TMLHE: variants seen among roughly 807,000 people sequenced by gnomAD.
TMLHE encodes trimethyllysine dioxygenase, mitochondrial.
TMLHE carries 18 observed loss-of-function variants against 25.7 expected under a neutral mutation model. The observed-to-expected ratio is 0.70, with a 90% CI of 0.48 to 1.04. TMLHE has a LOEUF of 1.04. Ranked by LOEUF, TMLHE falls within the 50% of genes least tolerant of loss-of-function variation. The pLI is 0.00. For missense variants in TMLHE, 236 were observed against 259.0 expected (o/e 0.91, Z 0.61); for synonymous variants, 105 against 97.0 (o/e 1.08, Z -0.49).
intron 2 of TMLHE, among the ~76,000 whole-genome samples, chrX:155,535,548 C>A (rs782663625): frequency 8.0e-5 from 9 of 112,283 alleles, no homozygotes; most frequent in African/African-American, 2.9e-4. Context: ...GGGAGTTAGG[C>A]TTCAACATAT....
intron 1 of TMLHE, among the ~76,000 whole-genome samples, chrX:155,559,197 T>C (rs2067478242): frequency 9.0e-6 from 1 of 111,486 alleles, no homozygotes; most frequent in Admixed American, 9.6e-5. Context: ...ACATGTACTT[T>C]TTCTTTCTGA....
chrX:155,578,780 C>T (rs1557344147), intron 1 of TMLHE, among the ~76,000 whole-genome samples: 2 of 111,038 alleles, frequency 1.8e-5, no homozygotes, highest in East Asian at 5.6e-4. Context: ...GGTTCAAGGA[C>T]AGGCAAGCTC....
chrX:155,609,364 C>T (rs1557348131), intron 1 of TMLHE, among the ~76,000 whole-genome samples: 1 of 110,715 alleles, frequency 9.0e-6, no homozygotes, highest in African/African-American at 3.3e-5. Flanking sequence ...AAGAAGGGGA[C>T]AATAGACACG....
intron 1 of TMLHE, among the ~76,000 whole-genome samples, chrX:155,584,443 T>G (rs985520444): frequency 3.8e-4 from 42 of 111,463 alleles, no homozygotes; most frequent in Non-Finnish European, 3.8e-5. Context: ...GGAATCCTAT[T>G]TAATGAAATA....
At position 155,524,577 on chromosome X, in the gene TMLHE, G is replaced by C; in HGVS notation, c.237C>G (p.His79Gln). The C allele has an allele frequency of 8.3e-7, 1 of 1,206,741 alleles. No homozygotes were observed. The highest frequency in any genetic ancestry group is 1.1e-6 in the Non-Finnish European group (1 of 892,932). The change falls in exon 3 of 8, where the codon CAC (histidine) becomes CAG (glutamine). Residue 79 changes from histidine (H) to glutamine (Q), a missense_variant. Coordinates refer to ENST00000334398, the MANE Select transcript of TMLHE (RefSeq NM_018196.4). ...MRFDYVWLRD[H>Q]CRSASCYNSK... ...AGTTGTAGCACGATGCTGAGCGGCA[G>C]TGGTCTCGAAGCCAGACGTAATCAA...
intron 1 of TMLHE, among the ~76,000 whole-genome samples, chrX:155,598,667 C>T (rs1469390986): frequency 5.5e-5 from 6 of 109,466 alleles, no homozygotes; most frequent in Admixed American, 9.7e-5. Flanking sequence ...CAAACCTGCA[C>T]GCTGTGCACA....
At chrX:155,532,283 G>A in intron 2 of TMLHE, among the ~76,000 whole-genome samples, 1 of 112,093 alleles carries the variant, frequency 8.9e-6, no homozygotes, top group Non-Finnish European at 1.9e-5. Context: ...GAATATTACA[G>A]AAAATCCTAT....
chrX:155,557,188 C>A (rs923643308), intron 1 of TMLHE, among the ~76,000 whole-genome samples: 1 of 112,020 alleles, frequency 8.9e-6, no homozygotes, highest in African/African-American at 3.2e-5. Context: ...AAAGACAGGC[C>A]TAGGAAATCA....
At chrX:155,552,142 AGTTT>A (rs2067420113) in intron 1 of TMLHE, among the ~76,000 whole-genome samples, 1 of 110,049 alleles carries the variant, frequency 9.1e-6, no homozygotes, top group South Asian at 3.7e-4. Flanking sequence ...ATTTTCTAAT[AGTTT>A]GTTCGAAATT....
chrX:155,581,312 A>G (rs1281233450), intron 1 of TMLHE, among the ~76,000 whole-genome samples: 1 of 111,779 alleles, frequency 8.9e-6, no homozygotes, highest in African/African-American at 3.3e-5. Flanking sequence ...TAGTGTTGGA[A>G]GTTCTGGCCA....
At chrX:155,538,709 C>T (rs1278963336) in intron 2 of TMLHE, among the ~76,000 whole-genome samples, 1 of 111,769 alleles carries the variant, frequency 8.9e-6, no homozygotes, top group Admixed American at 9.5e-5. Context: ...CTTTCTGTTA[C>T]AATCGTTGAA....
chrX:155,537,561 T>A (rs979939655), intron 2 of TMLHE, among the ~76,000 whole-genome samples: 2 of 111,158 alleles, frequency 1.8e-5, no homozygotes, highest in Non-Finnish European at 3.8e-5. Flanking sequence ...TTCAACCCCA[T>A]AAAGAGCTCC....
chrX:155,524,588 G>A lies in TMLHE; in HGVS notation c.226C>T (p.Leu76Phe). ...NTVMRFDYVW[L>F]RDHCRSASCY... ...GATGCTGAGCGGCAGTGGTCTCGAA[G>A]CCAGACGTAATCAAAGCGCATCACG... Residue 76 changes from leucine to phenylalanine, a missense_variant, in exon 3 of 8, where the codon CTT becomes TTT. By Grantham distance (22) the Leu-to-Phe change is conservative (BLOSUM62 0). Transcript: ENST00000334398. 1 of 1,204,113 alleles carries A rather than the reference G, an allele frequency of 8.3e-7. No homozygotes were observed.
intron 1 of TMLHE, among the ~76,000 whole-genome samples, chrX:155,560,646 AAGTTGTGATTATATCTGTTGT>A (rs2067491508): frequency 1.9e-5 from 1 of 53,614 alleles, no homozygotes; most frequent in South Asian, 1.3e-3. Flanking sequence ...CAAAGGCTCT[AAGTTGTGATTATATCTGTTGT>A]GGCCAAAAGA....
rs782571881 is a variant in TMLHE, at chrX:155,599,939, T to C, written c.-2+12853A>G. Among the ~76,000 whole-genome samples, 3 of 111,524 alleles carry C rather than the reference T, an allele frequency of 2.7e-5. No individual in the cohort carries two copies. The East Asian group carries it at 8.4e-4, about 31-fold the overall frequency. On this transcript the variant is annotated intron_variant, in intron 1 of 7. Transcript: ENST00000334398. ...CAGAGATATTAGGCATCCTGAAATG[T>C]TCAGGACAGTCCCAGGCAATGGAGA...
In TMLHE at chrX:155,528,025, G is replaced by A. The variant is rs140514484; in HGVS notation, c.182-3393C>T. Among the ~76,000 whole-genome samples the A allele has an allele frequency of 6.9e-3, 770 of 111,148 alleles. 6 individuals carry two copies. Among genetic ancestry groups the A allele is most frequent in the African/African-American group, 0.024 (731 of 30,592 alleles). On this transcript the variant is annotated intron_variant, in intron 2 of 7. Transcript: ENST00000334398. The stretch of plus-strand genomic sequence containing the variant: ...AAGTCACCAGAAGTGACGGGCAAAC[G>A]TATGAACTGCCCCCAGCCTTGGTAA...
At chrX:155,527,613 G>A in intron 2 of TMLHE, among the ~76,000 whole-genome samples, 1 of 111,027 alleles carries the variant, frequency 9.0e-6, no homozygotes, top group Non-Finnish European at 1.9e-5. Flanking sequence ...TATACATCAG[G>A]TTACTCATTT....
chrX:155,529,965 G>A (rs1431631988), intron 2 of TMLHE, among the ~76,000 whole-genome samples: 2 of 111,706 alleles, frequency 1.8e-5, no homozygotes, highest in African/African-American at 3.3e-5. Context: ...TTTCTTCTAG[G>A]AGTTTTATGG....
At chrX:155,510,947 T>C (rs922548266) in intron 5 of TMLHE, among the ~76,000 whole-genome samples, 7 of 109,768 alleles carry the variant, frequency 6.4e-5, no homozygotes, top group African/African-American at 2.3e-4. Context: ...CCATTCTAAC[T>C]GGTGTGAGAT....
Sources: allele counts gnomAD v4.1 joint callset (sites outside exome capture counted in the v4.1 genomes callset), GRCh38; gene constraint gnomAD v4.1.1; transcripts MANE v1.5; gene names NCBI Gene and HGNC (gene_info 2026-07-23, HGNC 2026-07-21).